The following PDZD8 variants were observed in gnomAD, a reference collection of about 807,000 sequenced individuals.
PDZD8 encodes PDZ domain containing 8.
PDZD8 carries 14 observed loss-of-function variants against 85.8 expected under a neutral mutation model. The ratio of observed to expected loss-of-function variants is 0.16; its 90% CI spans 0.11 to 0.26. PDZD8 has a LOEUF of 0.26. PDZD8 is among the 10% of genes least tolerant of loss of function. PDZD8 has a pLI of 1.00. For missense variants in PDZD8, 1,197 were observed against 1,424.3 expected (o/e 0.84, Z 2.57); for synonymous variants, 592 against 568.6 (o/e 1.04, Z -0.59).
Position 117,284,290 on chromosome 10 carries a change from GTTC to G in PDZD8, c.2440_2442del (p.Glu814del). The G allele has an allele frequency of 6.2e-7, 1 of 1,613,856 alleles. No homozygotes were observed. Among genetic ancestry groups the G allele is most frequent in the Non-Finnish European group, 8.5e-7 (1 of 1,179,966 alleles). On this transcript the variant is annotated inframe_deletion, in exon 5 of 5. Coordinates refer to ENST00000334464, the MANE Select transcript of PDZD8 (RefSeq NM_173791.5). Reference sequence around the variant, plus strand: ...ACAGAAACTTCTTCAACCAAATGGGGTTCTTTTTCTTTTTCTACGTTAGTAACT... The same window carrying G: ...ACAGAAACTTCTTCAACCAAATGGGGTTTTTCTTTTTCTACGTTAGTAACT...
At chr10:117,343,960 A>T (rs181440) in intron 1 of PDZD8, among the ~76,000 whole-genome samples, 1 of 151,988 alleles carries the variant, frequency 6.6e-6, no homozygotes, top group Non-Finnish European at 1.5e-5. Flanking sequence ...GGCTACCTCT[A>T]TCACTTTCTT....
intron 3 of PDZD8, 28 bp from the exon 4 acceptor site, chr10:117,290,376 C>T (rs1432111393): frequency 6.5e-7 from 1 of 1,541,424 alleles, no homozygotes; most frequent in Non-Finnish European, 8.9e-7. Flanking sequence ...AAAATGAAAA[C>T]TGATTCAATG....
At chr10:117,295,926 C>G (rs910081901) in intron 3 of PDZD8, among the ~76,000 whole-genome samples, 3 of 151,452 alleles carry the variant, frequency 2.0e-5, no homozygotes, top group Non-Finnish European at 4.4e-5. Context: ...AGATCAGTAA[C>G]AAGGCAAGGA....
At chr10:117,315,558 C>A (rs999646460) in intron 3 of PDZD8, among the ~76,000 whole-genome samples, 1 of 138,834 alleles carries the variant, frequency 7.2e-6, no homozygotes, top group African/African-American at 2.9e-5. Context: ...CCACTGCACT[C>A]CAGTCTGGGC....
rs1177307824 is a variant in PDZD8, at chr10:117,374,373, T to C, written c.855A>G (p.Leu285=). 3 of 1,613,738 alleles carry C rather than the reference T, an allele frequency of 1.9e-6. No homozygotes were observed. Among genetic ancestry groups the C allele is most frequent in the African/African-American group, 1.3e-5 (1 of 74,970 alleles). The change falls in exon 1 of 5, where the codon CTA becomes CTG. Residue 285 remains leucine, a synonymous_variant. Coordinates refer to ENST00000334464, the MANE Select transcript of PDZD8 (RefSeq NM_173791.5). This position sits in a 1 kb window ranked among gnomAD's most constrained non-coding sequence, Gnocchi z 7.8. ...LKKIIKRKHT[L]PNYKIRFKPF... ...CAGCTCACCTGATCTTGTAATTCGGTAGGGTGTGCTTGCGCTTGATGATCT... is the reference window on the plus strand; with the variant it reads ...CAGCTCACCTGATCTTGTAATTCGGCAGGGTGTGCTTGCGCTTGATGATCT...
chr10:117,290,435 A>G, intron 3 of PDZD8, 87 bp from the exon 4 acceptor site: 1 of 1,010,322 alleles, frequency 9.9e-7, no homozygotes, highest in Non-Finnish European at 1.4e-6. Flanking sequence ...TTATGTGCAG[A>G]GAGCACCATG....
At chr10:117,355,677 T>C (rs1291855109) in intron 1 of PDZD8, among the ~76,000 whole-genome samples, 5 of 152,308 alleles carry the variant, frequency 3.3e-5, no homozygotes, top group South Asian at 2.1e-4. Context: ...AAGAATTGCA[T>C]TGAATAATGA....
At chr10:117,369,211 T>G (rs932274383) in intron 1 of PDZD8, among the ~76,000 whole-genome samples, 3 of 152,062 alleles carry the variant, frequency 2.0e-5, no homozygotes, top group Non-Finnish European at 4.4e-5. Context: ...CAGGCTGGAG[T>G]GCAGTGGTAT....
intron 3 of PDZD8, among the ~76,000 whole-genome samples, chr10:117,305,975 A>G (rs1843936619): frequency 6.6e-6 from 1 of 152,152 alleles, no homozygotes. Flanking sequence ...TCTGATATCT[A>G]CCACACTGGG....
In PDZD8 at chr10:117,374,960, G is replaced by T; in HGVS notation, c.268C>A (p.Pro90Thr). 6.2e-7 allele frequency: 1 copy of T among 1,609,074 alleles called. No individual in the cohort carries two copies. Residue 90 changes from proline to threonine, a missense_variant, in exon 1 of 5, where the codon CCG becomes ACG. By Grantham distance (38) the Pro-to-Thr change is conservative. This residue lies in a region of PDZD8 where 172 missense variants were observed against 137.8 expected (regional missense o/e 1.25). Coordinates refer to ENST00000334464, the MANE Select transcript of PDZD8 (RefSeq NM_173791.5). This position sits in a 1 kb window ranked among gnomAD's most constrained non-coding sequence, Gnocchi z 7.8. ...PTAAPETPAPPTRETCYFLNA... is the reference protein window; with the variant it reads ...PTAAPETPAPTTRETCYFLNA... ...AGGAAGTAGCAAGTCTCCCGCGTCG[G>T]CGGGGCGGGGGTCTCGGGGGCCGCG...
intron 1 of PDZD8, among the ~76,000 whole-genome samples, chr10:117,353,221 T>C (rs1182952736): frequency 6.6e-6 from 1 of 152,202 alleles, no homozygotes; most frequent in Non-Finnish European, 1.5e-5. Context: ...GTCTAGGTTA[T>C]GATGCTGAGT....
chr10:117,284,920 C>T lies in PDZD8; in HGVS notation c.1813G>A (p.Asp605Asn), dbSNP rs186514444. 3.2e-5 allele frequency: 52 copies of T among 1,614,098 alleles called. No homozygotes were observed. In the South Asian group the frequency reaches 4.4e-4, roughly 14 times the overall value. The change falls in exon 5 of 5, where the codon GAT (aspartate) becomes AAT (asparagine). Residue 605 changes from aspartate (D) to asparagine (N), a missense_variant. By Grantham distance (23) the Asp-to-Asn change is conservative. Around this residue, in one of 4 missense-constraint regions of PDZD8, gnomAD observed 263 missense variants for 261.9 expected, o/e 1.00. Coordinates refer to ENST00000334464, the MANE Select transcript of PDZD8 (RefSeq NM_173791.5). ...TCTGGTTCTGCCTGATTTGGAGCAT[C>T]GGCGGAAGGCAAAGGAACTTTCGCT... Reference protein sequence around the residue: ...PQAKVPLPSADAPNQAEPDVL... With the variant: ...PQAKVPLPSANAPNQAEPDVL...
Position 117,278,689 on chromosome 10 carries a change from A to C in PDZD8, c.*4579T>G, listed in dbSNP as rs1844536058. 1 of 152,250 alleles carries C rather than the reference A, an allele frequency of 6.6e-6. No individual in the cohort carries two copies. Among genetic ancestry groups the C allele is most frequent in the Admixed American group, 6.5e-5 (1 of 15,286 alleles). The allele number at this position is 152,250 out of a possible 1,614,324, so 9.4% of individuals were successfully genotyped here. A position where few individuals can be genotyped will look rare whatever the true frequency, so the allele number is the denominator to read the frequency against. On this transcript the variant is annotated 3_prime_UTR_variant, in exon 5 of 5. Transcript: ENST00000334464. ...ATCAAGGAGCAAAGAACTTTAGAAC[A>C]GACTCCTCAATCTTGTGACTTTCTT...
intron 3 of PDZD8, among the ~76,000 whole-genome samples, chr10:117,313,916 T>G (rs1218584206): frequency 6.6e-6 from 1 of 152,194 alleles, no homozygotes; most frequent in Non-Finnish European, 1.5e-5. Flanking sequence ...GCCCTTGTAT[T>G]CAAATCCCAT....
At position 117,280,562 on chromosome 10, in the gene PDZD8, AG is replaced by A. The variant is rs1404343246; in HGVS notation, c.*2705del. On this transcript the variant is annotated 3_prime_UTR_variant, in exon 5 of 5. Transcript: ENST00000334464. ...CATAGCATGGCAGCAAGATTACATC[AG>A]TAATGTAATATAATACAGCTTTTTT... 2 of 152,202 alleles carry A rather than the reference AG, an allele frequency of 1.3e-5. No individual in the cohort carries two copies. Among genetic ancestry groups the A allele is most frequent in the Non-Finnish European group, 2.9e-5 (2 of 68,042 alleles). The allele number at this position is 152,202 out of a possible 1,614,324, so 9.4% of individuals were successfully genotyped here.
chr10:117,287,357 T>C (rs1844682858), intron 4 of PDZD8, among the ~76,000 whole-genome samples: 1 of 152,182 alleles, frequency 6.6e-6, no homozygotes, highest in African/African-American at 2.4e-5. Context: ...TCACCCTTTT[T>C]TGCTCTCTCC....
chr10:117,327,725 G>C (rs1455450432), intron 2 of PDZD8, among the ~76,000 whole-genome samples: 1 of 152,106 alleles, frequency 6.6e-6, no homozygotes, highest in Non-Finnish European at 1.5e-5. Context: ...GGTACACATT[G>C]CTTCACATAC....
chr10:117,352,770 G>C (rs1564710097), intron 1 of PDZD8, among the ~76,000 whole-genome samples: 1 of 152,194 alleles, frequency 6.6e-6, no homozygotes, highest in African/African-American at 2.4e-5. Flanking sequence ...CATTGTCATA[G>C]AGGAAGAGTT....
At chr10:117,340,813 A>G (rs546203441) in intron 2 of PDZD8, among the ~76,000 whole-genome samples, 167 bp downstream of exon 2, 1 of 152,342 alleles carries the variant, frequency 6.6e-6, no homozygotes, top group East Asian at 1.9e-4. Flanking sequence ...TATGATTTAT[A>G]TTTGTTAAAG....
Sources: allele counts gnomAD v4.1 joint callset (sites outside exome capture counted in the v4.1 genomes callset), GRCh38; gene constraint gnomAD v4.1.1; regional missense constraint gnomAD v4.1.1; non-coding constraint Gnocchi (gnomAD v3.1); transcripts MANE v1.5; gene names NCBI Gene and HGNC (gene_info 2026-07-23, HGNC 2026-07-21).